CNBD1: variants seen among roughly 807,000 people sequenced by gnomAD.
CNBD1 encodes cyclic nucleotide-binding domain-containing protein 1.
In CNBD1, 71 loss-of-function variants were observed where a neutral mutation model predicts 54.4. The ratio of observed to expected loss-of-function variants is 1.30; its 90% CI spans 1.08 to 1.59. The LOEUF (loss-of-function observed/expected upper bound fraction) is 1.59, where lower values mean the gene tolerates loss of function less well. Ranked by LOEUF, CNBD1 falls within the 40% of genes most tolerant of loss-of-function variation. CNBD1 has a pLI of 0.00. For missense variants in CNBD1, 659 were observed against 518.0 expected (o/e 1.27, Z -2.64); for synonymous variants, 182 against 170.7 (o/e 1.07, Z -0.51).
chr8:87,099,265 G>A (rs1341421203), intron 4 of CNBD1, among the ~76,000 whole-genome samples: 1 of 152,128 alleles, frequency 6.6e-6, no homozygotes, highest in Non-Finnish European at 1.5e-5. Flanking sequence ...GAGCAGGTAG[G>A]AGAGTGATAG....
chr8:86,975,429 A>G (rs1808319246), intron 4 of CNBD1, among the ~76,000 whole-genome samples: 1 of 151,626 alleles, frequency 6.6e-6, no homozygotes. Flanking sequence ...TCTACTGTCT[A>G]CTTATATGTT....
chr8:87,391,179 T>C (rs112838597), intron 2 of CNBD1, among the ~76,000 whole-genome samples: 2,874 of 152,058 alleles, frequency 0.019, 93 homozygotes, highest in African/African-American at 0.063. Flanking sequence ...CAACATGGCA[T>C]ATGTATACAT....
intron 4 of CNBD1, among the ~76,000 whole-genome samples, chr8:86,950,405 A>G (rs1807588192): frequency 6.6e-6 from 1 of 152,042 alleles, no homozygotes; most frequent in Admixed American, 6.6e-5. Flanking sequence ...AAACAATTAT[A>G]TGATTTTTGC....
intron 1 of CNBD1, among the ~76,000 whole-genome samples, chr8:86,872,555 A>G (rs1330269825): frequency 6.6e-6 from 1 of 152,162 alleles, no homozygotes; most frequent in Non-Finnish European, 1.5e-5. Context: ...CACCAACAGT[A>G]TATCAGGGTT....
chr8:86,974,789 T>C (rs1024084410), intron 4 of CNBD1, among the ~76,000 whole-genome samples: 1 of 152,062 alleles, frequency 6.6e-6, no homozygotes, highest in South Asian at 2.1e-4. Flanking sequence ...AATGTTCTAT[T>C]CTTAAGCTGG....
At chr8:87,382,508 A>C (rs1214222653) in intron 10 of CNBD1, 112 bp from the exon 11 acceptor site, 1 of 761,186 alleles carries the variant, frequency 1.3e-6, no homozygotes, top group Admixed American at 2.5e-5. Flanking sequence ...CTTTTAAAGC[A>C]TAACCCCTCT....
intron 4 of CNBD1, among the ~76,000 whole-genome samples, chr8:87,101,460 T>C (rs1301017608): frequency 1.3e-5 from 2 of 151,932 alleles, no homozygotes; most frequent in Non-Finnish European, 2.9e-5. Flanking sequence ...TATATATGTC[T>C]AATAATTATA....
chr8:87,116,553 A>T (rs1296338378), intron 4 of CNBD1, among the ~76,000 whole-genome samples: 1 of 151,982 alleles, frequency 6.6e-6, no homozygotes, highest in Admixed American at 6.6e-5. Context: ...TACCAGAGTT[A>T]TGTATTTAAT....
At chr8:87,078,268 T>C (rs781155744) in intron 4 of CNBD1, among the ~76,000 whole-genome samples, 29 of 152,212 alleles carry the variant, frequency 1.9e-4, no homozygotes, top group Non-Finnish European at 1.0e-4. Context: ...TTTCAAAAGG[T>C]TCCTGAAAGA....
intron 8 of CNBD1, among the ~76,000 whole-genome samples, chr8:87,287,339 AG>A (rs1563538782): frequency 6.6e-6 from 1 of 152,162 alleles, no homozygotes; most frequent in Non-Finnish European, 1.5e-5. Context: ...CCAGAGCTTT[AG>A]GTCTCTTTTG....
At chr8:87,262,717 T>G (rs545161575) in intron 6 of CNBD1, among the ~76,000 whole-genome samples, 10 of 152,182 alleles carry the variant, frequency 6.6e-5, no homozygotes, top group Non-Finnish European at 1.0e-4. Flanking sequence ...CTACTTGAGA[T>G]AAATTATTAT....
intron 8 of CNBD1, among the ~76,000 whole-genome samples, chr8:87,295,175 T>C (rs1808856831): frequency 6.6e-6 from 1 of 151,834 alleles, no homozygotes; most frequent in Non-Finnish European, 1.5e-5. Flanking sequence ...ACCTCATAAC[T>C]ATTATGGCTA....
chr8:87,366,690 T>A (rs1810649366), intron 10 of CNBD1, among the ~76,000 whole-genome samples: 1 of 152,040 alleles, frequency 6.6e-6, no homozygotes, highest in Non-Finnish European at 1.5e-5. Context: ...ACCATAGTGC[T>A]GGAGGTCAGC....
intron 3 of CNBD1, among the ~76,000 whole-genome samples, chr8:86,916,293 G>A (rs946479072): frequency 6.6e-6 from 1 of 152,168 alleles, no homozygotes; most frequent in Non-Finnish European, 1.5e-5. Flanking sequence ...ACCTGGAAGA[G>A]GGCCAAGTGG....
chr8:87,250,146 A>G (rs957685003), intron 6 of CNBD1, among the ~76,000 whole-genome samples: 1 of 152,228 alleles, frequency 6.6e-6, no homozygotes. Flanking sequence ...AAATAATCCA[A>G]TTACAAAATG....
intron 4 of CNBD1, among the ~76,000 whole-genome samples, chr8:87,049,708 C>A (rs903635407): frequency 6.6e-6 from 1 of 152,160 alleles, no homozygotes; most frequent in African/African-American, 2.4e-5. Flanking sequence ...GGCAAGGGCA[C>A]ATTTTTAACT....
chr8:87,092,443 ATATATATACACATATGTGTGTGTGTG>A, intron 4 of CNBD1, among the ~76,000 whole-genome samples: 1 of 143,334 alleles, frequency 7.0e-6, no homozygotes, highest in African/African-American at 2.8e-5. Context: ...GTGTGTGTGT[ATATATATACACATATGTGTGTGTGTG>A]TATATATATA....
chr8:87,255,108 A>C (rs1272991846), intron 6 of CNBD1, among the ~76,000 whole-genome samples: 1 of 152,132 alleles, frequency 6.6e-6, no homozygotes, highest in African/African-American at 2.4e-5. Context: ...GTCTGTCTAC[A>C]TGCAAAATTA....
At chr8:87,017,312 A>G (rs1254738867) in intron 4 of CNBD1, among the ~76,000 whole-genome samples, 1 of 152,304 alleles carries the variant, frequency 6.6e-6, no homozygotes, top group East Asian at 1.9e-4. Flanking sequence ...CCTTTCTAAT[A>G]CTATAAAACC....
Sources: allele counts gnomAD v4.1 joint callset (sites outside exome capture counted in the v4.1 genomes callset), GRCh38; gene constraint gnomAD v4.1.1; transcripts MANE v1.5; gene names NCBI Gene and HGNC (gene_info 2026-07-23, HGNC 2026-07-21).